The following CISD1 variants were observed in gnomAD, a reference collection of about 807,000 sequenced individuals.
CISD1 encodes CDGSH iron sulfur domain 1, also known as CDGSH iron-sulfur domain-containing protein 1.
Under a neutral mutation model 12.0 loss-of-function variants are expected in CISD1, and 8 were observed. That is an observed-to-expected ratio of 0.67 (90% CI 0.39 to 1.20). CISD1 has a LOEUF of 1.20. Ranked by LOEUF, CISD1 falls within the 50% of genes most tolerant of loss-of-function variation. The pLI, the probability that CISD1 is intolerant of heterozygous loss-of-function variation, is 0.01. For missense variants in CISD1, 107 were observed against 132.7 expected, an observed-to-expected ratio of 0.81 and a Z score of 0.95; for synonymous variants, 38 against 42.2, an observed-to-expected ratio of 0.90 and a Z score of 0.39.
chr10:58,279,750 A>G (rs1839354194), intron 2 of CISD1, among the ~76,000 whole-genome samples: 1 of 152,212 alleles, frequency 6.6e-6, no homozygotes, highest in Non-Finnish European at 1.5e-5. Flanking sequence ...TGCGTGAGAA[A>G]CATTAAAGAG....
intron 2 of CISD1, among the ~76,000 whole-genome samples, chr10:58,277,782 C>A (rs1839332451): frequency 6.6e-6 from 1 of 152,038 alleles, no homozygotes; most frequent in African/African-American, 2.4e-5. Context: ...TTAATTTGCT[C>A]TTAGGATTTC....
At chr10:58,273,080 C>G (rs1839267543) in intron 1 of CISD1, among the ~76,000 whole-genome samples, 2 of 151,924 alleles carry the variant, frequency 1.3e-5, no homozygotes, top group African/African-American at 4.8e-5. Context: ...TTATATATAC[C>G]TGAAGTTTTT....
At chr10:58,273,817 G>C (rs1839278065) in intron 1 of CISD1, among the ~76,000 whole-genome samples, 1 of 152,174 alleles carries the variant, frequency 6.6e-6, no homozygotes, top group African/African-American at 2.4e-5. Context: ...GGAATTAACT[G>C]TCCTTGAGAA....
chr10:58,272,737 T>TG (rs946277925), intron 1 of CISD1, among the ~76,000 whole-genome samples: 15 of 152,070 alleles, frequency 9.9e-5, no homozygotes, highest in African/African-American at 3.6e-4. Flanking sequence ...GACAACATGG[T>TG]GAAACCCCCG....
In CISD1 at chr10:58,277,098, T is replaced by C. The variant is rs1179758935; in HGVS notation, c.32-19T>C. 1.3e-6 allele frequency: 2 copies of C among 1,544,028 alleles called. No homozygotes were observed. The highest frequency in any genetic ancestry group is 1.7e-6 in the Non-Finnish European group (2 of 1,143,712). On this transcript the variant is annotated intron_variant, in intron 1 of 2. Transcript: ENST00000333926. ...ATATTTTGGTTTTGATAATTATTTG[T>C]TTTCCTTCCCTGCTCTAGTTGAATG...
chr10:58,286,672 T>C (rs529262606), intron 2 of CISD1, among the ~76,000 whole-genome samples: 11 of 152,302 alleles, frequency 7.2e-5, no homozygotes, highest in African/African-American at 2.6e-4. Flanking sequence ...TGCAAAACAC[T>C]ATGTTAGAAA....
In CISD1 at chr10:58,289,116, A is replaced by C. The variant is rs1410211472; in HGVS notation, c.*1466A>C. 1.3e-5 allele frequency: 2 copies of C among 152,216 alleles called. No homozygotes were observed. The highest frequency in any genetic ancestry group is 4.8e-5 in the African/African-American group (2 of 41,456). The allele number at this position is 152,216 out of a possible 1,614,324, so 9.4% of individuals were successfully genotyped here. The stretch of plus-strand genomic sequence containing the variant: ...TTCATCATAAAATCTAAAATCCTAC[A>C]AACTGATTCTATTAGATTCTTAGGG... On this transcript the variant is annotated 3_prime_UTR_variant, in exon 3 of 3. Coordinates refer to ENST00000333926, the MANE Select transcript of CISD1 (RefSeq NM_018464.5).
Position 58,289,256 on chromosome 10 carries a change from C to A in CISD1, c.*1606C>A, listed in dbSNP as rs1839463232. On this transcript the variant is annotated 3_prime_UTR_variant, in exon 3 of 3. Coordinates refer to ENST00000333926, the MANE Select transcript of CISD1 (RefSeq NM_018464.5). ...TTAAAGAAAAATAAATGCATCAACT[C>A]CCAGTGTTTCTGATAAAGGGACATC... 6.6e-6 allele frequency: 1 copy of A among 152,138 alleles called. No homozygotes were observed. 9.4% of individuals were successfully genotyped at this position (152,138 alleles called of 1,614,324 possible).
chr10:58,281,371 TC>T (rs1296433517), intron 2 of CISD1, among the ~76,000 whole-genome samples: 1 of 152,222 alleles, frequency 6.6e-6, no homozygotes, highest in Non-Finnish European at 1.5e-5. Flanking sequence ...TGCCTTTTTT[TC>T]CCCCTCTGGC....
chr10:58,282,154 G>A (rs2790186), intron 2 of CISD1, among the ~76,000 whole-genome samples: 1,573 of 151,986 alleles, frequency 0.01, 18 homozygotes, highest in Non-Finnish European at 0.017. Context: ...TAGAGACAGG[G>A]TTTCACCATG....
rs1839327395 is a variant in CISD1, at chr10:58,277,388, T to C, written c.237+66T>C. ...TTATATTTCTTTTTAAATTATTCTG[T>C]CAGACTTGTTCACCAGATATTGTTA... On this transcript the variant is annotated intron_variant, in intron 2 of 2. Transcript: ENST00000333926. The C allele has an allele frequency of 2.7e-6, 3 of 1,091,690 alleles. No homozygotes were observed. The African/African-American group carries it at 4.9e-5, about 18-fold the overall frequency. The allele number at this position is 1,091,690 out of a possible 1,614,324, so 67.6% of individuals were successfully genotyped here.
chr10:58,275,612 T>C (rs2790179), intron 1 of CISD1, among the ~76,000 whole-genome samples: 51,481 of 152,058 alleles, frequency 0.34, 10,962 homozygotes, highest in African/African-American at 0.61. Flanking sequence ...AGAATGATAA[T>C]GCTACGGGAA....
At chr10:58,284,028 T>C (rs980673263) in intron 2 of CISD1, among the ~76,000 whole-genome samples, 1 of 152,234 alleles carries the variant, frequency 6.6e-6, no homozygotes, top group African/African-American at 2.4e-5. Flanking sequence ...AAAATTCTCA[T>C]ATTTTTGTAC....
intron 2 of CISD1, among the ~76,000 whole-genome samples, chr10:58,281,677 C>T (rs1387271218): frequency 6.6e-6 from 1 of 152,184 alleles, no homozygotes; most frequent in African/African-American, 2.4e-5. Context: ...ATTTTTCCCT[C>T]ATACAAACCA....
At chr10:58,271,043 A>ATTTTTTTT (rs775206917) in intron 1 of CISD1, among the ~76,000 whole-genome samples, 8,665 of 128,290 alleles carry the variant, frequency 0.068, 489 homozygotes, top group African/African-American at 0.079. Context: ...TGCCATGACT[A>ATTTTTTTT]TTTTTTTTTT....
chr10:58,278,161 T>A lies in CISD1; in HGVS notation c.237+839T>A, dbSNP rs569345119. ...CTGTCTCGAGCATCTCAAAAGGATT[T>A]GTACACCGAATGACTTCAGGATTTC... On this transcript the variant is annotated intron_variant, in intron 2 of 2. Transcript: ENST00000333926. 2.0e-5 allele frequency among the ~76,000 whole-genome samples: 3 copies of A among 152,332 alleles called. No homozygotes were observed. The South Asian group carries it at 6.2e-4, about 32-fold the overall frequency.
intron 2 of CISD1, among the ~76,000 whole-genome samples, chr10:58,282,592 A>C (rs1486986167): frequency 6.6e-6 from 1 of 152,232 alleles, no homozygotes; most frequent in Non-Finnish European, 1.5e-5. Context: ...GCATCCATGG[A>C]TGTGGAACCC....
At chr10:58,282,967 G>T (rs753376803) in intron 2 of CISD1, 1 of 152,144 alleles carries the variant, frequency 6.6e-6, no homozygotes, top group Non-Finnish European at 1.5e-5. Context: ...GACAGCAAAA[G>T]AATACAGACT....
intron 2 of CISD1, among the ~76,000 whole-genome samples, chr10:58,280,766 C>G (rs1248286818): frequency 6.6e-6 from 1 of 152,118 alleles, no homozygotes; most frequent in Non-Finnish European, 1.5e-5. Context: ...TAGAATAAAA[C>G]TAAAAATATC....
Sources: allele counts gnomAD v4.1 joint callset (sites outside exome capture counted in the v4.1 genomes callset), GRCh38; gene constraint gnomAD v4.1.1; transcripts MANE v1.5; gene names NCBI Gene and HGNC (gene_info 2026-07-23, HGNC 2026-07-21).